The following MALRD1 variants were observed in gnomAD, a reference collection of about 807,000 sequenced individuals.
MALRD1 encodes MAM and LDL-receptor class A domain-containing protein 1.
Under a neutral mutation model 242.1 loss-of-function variants are expected in MALRD1, and 247 were observed. The ratio of observed to expected loss-of-function variants is 1.02; its 90% CI spans 0.92 to 1.13. The LOEUF (loss-of-function observed/expected upper bound fraction) is 1.13, where lower values mean the gene tolerates loss of function less well. Ranked by LOEUF, MALRD1 falls within the 50% of genes most tolerant of loss-of-function variation. The probability of loss-of-function intolerance (pLI) is 0.00; values close to 1 mark genes in which losing one functional copy is unlikely to be tolerated. For synonymous variants in MALRD1, 995 were observed against 866.6 expected, an observed-to-expected ratio of 1.15 and a Z score of -2.60; for missense variants, 2,989 against 2,533.1, an observed-to-expected ratio of 1.18 and a Z score of -3.86.
At chr10:19,207,764 A>C (rs887169917) in intron 17 of MALRD1, among the ~76,000 whole-genome samples, 3 of 152,184 alleles carry the variant, frequency 2.0e-5, no homozygotes, top group African/African-American at 7.2e-5. Context: ...GGCCTCCCAA[A>C]GTGCTAGGAT....
chr10:19,407,410 A>T (rs1833076993), intron 28 of MALRD1, among the ~76,000 whole-genome samples: 1 of 152,198 alleles, frequency 6.6e-6, no homozygotes, highest in South Asian at 2.1e-4. Flanking sequence ...GGAGCGCAGG[A>T]GTTCAAGGCT....
At chr10:19,720,299 G>T (rs1470436768) in intron 38 of MALRD1, among the ~76,000 whole-genome samples, 1 of 152,118 alleles carries the variant, frequency 6.6e-6, no homozygotes, top group African/African-American at 2.4e-5. Flanking sequence ...CATCGTTTCA[G>T]CCTGGTGTTT....
At chr10:19,442,909 T>C (rs1349024848) in intron 28 of MALRD1, among the ~76,000 whole-genome samples, 4 of 152,214 alleles carry the variant, frequency 2.6e-5, no homozygotes, top group Non-Finnish European at 4.4e-5. Context: ...AGCTCCTCTT[T>C]GTACCTCTGG....
chr10:19,077,297 C>T (rs1037410339), intron 2 of MALRD1, among the ~76,000 whole-genome samples: 2 of 151,842 alleles, frequency 1.3e-5, no homozygotes, highest in East Asian at 1.9e-4. Context: ...GCTTAGGAAA[C>T]CCTGCTAAAC....
chr10:19,622,788 A>C (rs1248615324), intron 36 of MALRD1, among the ~76,000 whole-genome samples: 1 of 151,932 alleles, frequency 6.6e-6, no homozygotes, highest in Non-Finnish European at 1.5e-5. Flanking sequence ...ACTGTATTAT[A>C]CAGGCATCTG....
At chr10:19,345,066 A>T (rs1050077976) in intron 24 of MALRD1, among the ~76,000 whole-genome samples, 2 of 152,150 alleles carry the variant, frequency 1.3e-5, no homozygotes, top group African/African-American at 4.8e-5. Context: ...AAATAATAGG[A>T]TATGAAATTA....
intron 33 of MALRD1, among the ~76,000 whole-genome samples, chr10:19,590,653 C>T (rs969952683): frequency 6.6e-6 from 1 of 151,986 alleles, no homozygotes; most frequent in Non-Finnish European, 1.5e-5. Context: ...GATATCTCAC[C>T]ACCGGTATTT....
chr10:19,083,029 C>T (rs545344374), intron 2 of MALRD1, among the ~76,000 whole-genome samples: 1 of 152,100 alleles, frequency 6.6e-6, no homozygotes, highest in African/African-American at 2.4e-5. Flanking sequence ...AGGGGCAAAG[C>T]AAATCTCGAG....
At chr10:19,568,167 A>G (rs1038803898) in intron 33 of MALRD1, among the ~76,000 whole-genome samples, 1 of 152,172 alleles carries the variant, frequency 6.6e-6, no homozygotes, top group African/African-American at 2.4e-5. Flanking sequence ...AAAAAGTTCT[A>G]TTCTAAACAC....
At chr10:19,080,541 G>A (rs1041284981) in intron 2 of MALRD1, among the ~76,000 whole-genome samples, 1 of 152,060 alleles carries the variant, frequency 6.6e-6, no homozygotes, top group Admixed American at 6.6e-5. Context: ...TTAACAAATG[G>A]TGCTGGGAGA....
rs905104874 is a variant in MALRD1 at position 19,209,343 on chromosome 10, C to G, written c.2654C>G (p.Thr885Ser). 7.7e-6 allele frequency: 12 copies of G among 1,550,448 alleles called. No homozygotes were observed. In the African/African-American group the frequency reaches 1.6e-4, roughly 21 times the overall value. ...EQDAKDDFDW[T>S]RSQGPTPTLN... ...GATGCAAAAGATGACTTTGATTGGACCAGGAGCCAGGGTCCAACTCCAACA... is the reference window on the plus strand; with the variant it reads ...GATGCAAAAGATGACTTTGATTGGAGCAGGAGCCAGGGTCCAACTCCAACA... The change falls in exon 18 of 40, where the codon ACC (threonine) becomes AGC (serine). Residue 885 changes from threonine to serine, a missense_variant. Thr to Ser is a moderately conservative substitution (Grantham distance 58). Transcript: ENST00000454679.
At chr10:19,445,032 T>C (rs918239316) in intron 28 of MALRD1, among the ~76,000 whole-genome samples, 1 of 152,206 alleles carries the variant, frequency 6.6e-6, no homozygotes, top group Non-Finnish European at 1.5e-5. Flanking sequence ...TCTAACCTTG[T>C]TTTCTTGCTT....
chr10:19,160,158 C>A (rs1346216261), intron 12 of MALRD1, among the ~76,000 whole-genome samples: 1 of 152,196 alleles, frequency 6.6e-6, no homozygotes, highest in Non-Finnish European at 1.5e-5. Context: ...ATGAAGCAGG[C>A]ATGCGTCAAG....
intron 21 of MALRD1, among the ~76,000 whole-genome samples, chr10:19,283,820 T>C (rs1377093940): frequency 6.6e-6 from 1 of 152,186 alleles, no homozygotes; most frequent in East Asian, 1.9e-4. Context: ...GTTATCTCAA[T>C]ATTATAAAGT....
intron 36 of MALRD1, among the ~76,000 whole-genome samples, chr10:19,682,068 A>T (rs1842394818): frequency 1.3e-5 from 2 of 152,246 alleles, no homozygotes; most frequent in Middle Eastern, 3.4e-3. Flanking sequence ...CTTCAGACTT[A>T]TTAGAACAAT....
At chr10:19,406,331 G>A (rs11009788) in intron 28 of MALRD1, among the ~76,000 whole-genome samples, 43,185 of 152,028 alleles carry the variant, frequency 0.28, 7,353 homozygotes, top group East Asian at 0.44. Context: ...AAAACTGTGC[G>A]ATCTATTACT....
chr10:19,313,052 G>T (rs34612484), intron 21 of MALRD1, among the ~76,000 whole-genome samples: 19,731 of 151,320 alleles, frequency 0.13, 1,289 homozygotes, highest in East Asian at 0.14. Context: ...TAGGTCCCAA[G>T]AAATGGCATT....
intron 11 of MALRD1, among the ~76,000 whole-genome samples, chr10:19,148,788 A>AAAAAAATATATATATAT (rs1206724666): frequency 1.1e-5 from 1 of 88,016 alleles, no homozygotes; most frequent in Non-Finnish European, 2.5e-5. Context: ...AAAAAAAAAA[A>AAAAAAATATATATATAT]ATATATATAT....
At chr10:19,220,323 G>C (rs1377197639) in intron 18 of MALRD1, among the ~76,000 whole-genome samples, 1 of 152,162 alleles carries the variant, frequency 6.6e-6, no homozygotes, top group African/African-American at 2.4e-5. Flanking sequence ...TCAACTTGTA[G>C]AGGCTGTTGA....
Sources: gnomAD v4.1 joint callset for allele counts (sites outside exome capture counted in the v4.1 genomes callset) on GRCh38, gnomAD v4.1.1 for gene constraint, MANE v1.5 for transcripts, NCBI Gene and HGNC (gene_info 2026-07-23, HGNC 2026-07-21) for gene names.